Variants in PREX1 observed in about 807,000 individuals in gnomAD.
The protein encoded by PREX1 is phosphatidylinositol-3,4,5-trisphosphate dependent Rac exchange factor 1.
A neutral mutation model predicts 198.3 loss-of-function variants in PREX1; 41 were observed. The ratio of observed to expected loss-of-function variants is 0.21; its 90% CI spans 0.16 to 0.27. The LOEUF is 0.27. Among genes scored for constraint, PREX1 ranks in the 10% least tolerant of loss-of-function variants. PREX1 has a pLI of 1.00. For missense variants in PREX1, 1,620 were observed against 2,200.7 expected (o/e 0.74, Z 5.28); for synonymous variants, 843 against 887.2 (o/e 0.95, Z 0.89).
rs1052465778 is a variant in PREX1 at position 48,625,886 on chromosome 20, C to T, written c.4979G>A (p.Ter1660=). 1.3e-6 allele frequency: 2 copies of T among 1,562,568 alleles called. No homozygotes were observed. Among genetic ancestry groups the T allele is most frequent in the South Asian group, 1.2e-5 (1 of 85,056 alleles). Residue 1660 remains the stop codon, a stop_retained_variant, in exon 40 of 40, where the codon TGA becomes TAA. Coordinates refer to ENST00000371941, the MANE Select transcript of PREX1 (RefSeq NM_020820.4). ...LCQPPVDGDL[*] Reference sequence around the variant, plus strand: ...GCCCAGCGTGGGGCATTTGGGTGTTCAGAGGTCCCCATCCACCGGCGGCTG... The same window carrying T: ...GCCCAGCGTGGGGCATTTGGGTGTTTAGAGGTCCCCATCCACCGGCGGCTG...
chr20:48,753,401 C>A (rs1182774439), intron 1 of PREX1, among the ~76,000 whole-genome samples: 1 of 152,010 alleles, frequency 6.6e-6, no homozygotes, highest in Non-Finnish European at 1.5e-5. Context: ...GTGATTTTAC[C>A]CCCTAGAAGA....
intron 4 of PREX1, among the ~76,000 whole-genome samples, chr20:48,729,320 G>C (rs182204461): frequency 1.3e-5 from 2 of 152,008 alleles, no homozygotes; most frequent in African/African-American, 4.8e-5. Context: ...CAGGTGATCT[G>C]CCTGCCTCGG....
At chr20:48,647,277 C>T (rs996872495) in intron 25 of PREX1, among the ~76,000 whole-genome samples, 1 of 152,144 alleles carries the variant, frequency 6.6e-6, no homozygotes, top group Non-Finnish European at 1.5e-5. Flanking sequence ...AATCCCAGCA[C>T]TTTGGGAGGC....
chr20:48,637,592 G>A (rs1390912726), intron 31 of PREX1, 119 bp downstream of exon 31: 4 of 1,048,544 alleles, frequency 3.8e-6, no homozygotes, highest in Non-Finnish European at 5.4e-6. Flanking sequence ...GTAGCTCTTG[G>A]AGGGGCTCCA....
intron 1 of PREX1, among the ~76,000 whole-genome samples, chr20:48,750,684 C>G (rs1320281413): frequency 6.6e-6 from 1 of 152,196 alleles, no homozygotes; most frequent in African/African-American, 2.4e-5. Context: ...AGGCCCTCCT[C>G]TTCTTAATGC....
At chr20:48,790,536 G>A (rs923019377) in intron 1 of PREX1, among the ~76,000 whole-genome samples, 7 of 152,130 alleles carry the variant, frequency 4.6e-5, no homozygotes, top group African/African-American at 1.7e-4. Flanking sequence ...AATGGTCCAG[G>A]CTGCCTCTCG....
chr20:48,751,361 G>A (rs1484607043), intron 1 of PREX1, among the ~76,000 whole-genome samples: 2 of 152,182 alleles, frequency 1.3e-5, no homozygotes, highest in African/African-American at 2.4e-5. Flanking sequence ...GCCGCACTCC[G>A]CTGGCCTAGA....
At chr20:48,757,493 C>T (rs2090160492) in intron 1 of PREX1, among the ~76,000 whole-genome samples, 2 of 152,242 alleles carry the variant, frequency 1.3e-5, no homozygotes, top group Admixed American at 1.3e-4. Context: ...GAAAACAGGG[C>T]ATGAATCACA....
chr20:48,639,332 TCA>T (rs1491214499), intron 30 of PREX1, among the ~76,000 whole-genome samples: 1 of 152,118 alleles, frequency 6.6e-6, no homozygotes, highest in Non-Finnish European at 1.5e-5. Context: ...GGAAGCAGAG[TCA>T]CAGTTTTTGC....
intron 1 of PREX1, among the ~76,000 whole-genome samples, chr20:48,822,283 G>A (rs988393170): frequency 3.3e-5 from 5 of 152,214 alleles, no homozygotes; most frequent in Non-Finnish European, 7.3e-5. Context: ...GCAGCCCAGA[G>A]GTCTCACAGG....
In PREX1 at chr20:48,684,261, C is replaced by G. The variant is rs560868533; in HGVS notation, c.1335-2926G>C. Among the ~76,000 whole-genome samples the G allele has an allele frequency of 1.3e-5, 2 of 152,270 alleles. No individual in the cohort carries two copies. Among genetic ancestry groups the G allele is most frequent in the Non-Finnish European group, 2.9e-5 (2 of 68,004 alleles). The stretch of plus-strand genomic sequence containing the variant: ...GCCGCCTGAGCTCAGGCCCAAGGTA[C>G]CACTTATGACCCAACACAAGAATCC... On this transcript the variant is annotated intron_variant, in intron 10 of 39. Transcript: ENST00000371941. The surrounding 1 kb of genome is among the most constrained non-coding windows in gnomAD (Gnocchi z 4.2).
At chr20:48,700,919 CA>C in intron 6 of PREX1, 33 bp from the exon 7 acceptor site, 7 of 1,613,190 alleles carry the variant, frequency 4.3e-6, no homozygotes, top group Non-Finnish European at 5.9e-6. Context: ...GTGAATGAGC[CA>C]ACCCAGGAAC....
chr20:48,844,004 G>A, the PREX1 span, among the ~76,000 whole-genome samples: 1,377 of 152,090 alleles, frequency 9.1e-3, 14 homozygotes, highest in Non-Finnish European at 0.014. Context: ...GCCAGGCATG[G>A]TGGCATGCAA....
intron 29 of PREX1, 83 bp downstream of exon 29, chr20:48,642,085 G>T: frequency 7.1e-7 from 1 of 1,410,438 alleles, no homozygotes; most frequent in Non-Finnish European, 1.0e-6. Flanking sequence ...GGAGGGCAGA[G>T]CTGAGCATTA....
chr20:48,766,690 A>C (rs1354939636), intron 1 of PREX1, among the ~76,000 whole-genome samples: 1 of 152,226 alleles, frequency 6.6e-6, no homozygotes, highest in Non-Finnish European at 1.5e-5. Flanking sequence ...TGCCACCATG[A>C]CTATAACTTA....
intron 18 of PREX1, chr20:48,656,381 A>G (rs2089543128): frequency 2.3e-6 from 1 of 434,618 alleles, no homozygotes; most frequent in Non-Finnish European, 4.6e-6. Flanking sequence ...TTCGATCAGA[A>G]GCTTCCAGTG....
rs142908257 is a variant in PREX1, at chr20:48,747,203, G to T, written c.291+606C>A. 3.0e-3 allele frequency among the ~76,000 whole-genome samples: 450 copies of T among 152,282 alleles called. 1 individual carries two copies. Among genetic ancestry groups the T allele is most frequent in the African/African-American group, 0.01 (432 of 41,566 alleles). Reference sequence around the variant, plus strand: ...TGTGCTGTAAATACTGGGCACCTTGGACACCAGGACCCTCAGAGCCCCGAG... The same window carrying T: ...TGTGCTGTAAATACTGGGCACCTTGTACACCAGGACCCTCAGAGCCCCGAG... On this transcript the variant is annotated intron_variant, in intron 2 of 39. Coordinates refer to ENST00000371941, the MANE Select transcript of PREX1 (RefSeq NM_020820.4).
At chr20:48,630,889 G>A (rs762748634) in intron 35 of PREX1, 95 bp from the exon 36 acceptor site, 11 of 888,844 alleles carry the variant, frequency 1.2e-5, no homozygotes, top group African/African-American at 4.9e-5. Flanking sequence ...CCGTGACTCC[G>A]CCCTCTGCCG....
chr20:48,713,039 A>G (rs4810866), intron 5 of PREX1, among the ~76,000 whole-genome samples: 47,843 of 151,926 alleles, frequency 0.31, 9,959 homozygotes, highest in African/African-American at 0.6. Flanking sequence ...GAGGAGAATC[A>G]GTTGAACCTG....
Sources: allele counts gnomAD v4.1 joint callset (sites outside exome capture counted in the v4.1 genomes callset), GRCh38; gene constraint gnomAD v4.1.1; non-coding constraint Gnocchi (gnomAD v3.1); transcripts MANE v1.5; gene names NCBI Gene and HGNC (gene_info 2026-07-23, HGNC 2026-07-21).